Variants in EIF4A2 observed in about 807,000 individuals in gnomAD.
The protein encoded by EIF4A2 is eukaryotic initiation factor 4A-II.
A neutral mutation model predicts 50.6 loss-of-function variants in EIF4A2; 9 were observed. The observed-to-expected ratio is 0.18, with a 90% CI of 0.11 to 0.31. EIF4A2 has a LOEUF of 0.31. Among genes scored for constraint, EIF4A2 ranks in the 10% least tolerant of loss-of-function variants. The pLI is 1.00. For synonymous variants in EIF4A2, 215 were observed against 164.4 expected (o/e 1.31, Z -2.35); for missense variants, 182 against 501.8 (o/e 0.36, Z 6.09).
intron 10 of EIF4A2, 90 bp from the exon 11 acceptor site, chr3:186,789,035 A>G (rs760115750): frequency 1.9e-5 from 29 of 1,490,020 alleles, no homozygotes; most frequent in Non-Finnish European, 2.5e-5. Context: ...TGATAAGTAA[A>G]CAGCAGCTGG....
At chr3:186,787,657 T>C (rs375852365) in intron 9 of EIF4A2, 73 bp downstream of exon 9, 8 of 1,602,092 alleles carry the variant, frequency 5.0e-6, no homozygotes, top group Non-Finnish European at 1.7e-6. Flanking sequence ...AAGTAACCTT[T>C]GCCAACTTGG....
intron 5 of EIF4A2, 34 bp from the exon 6 acceptor site, chr3:186,786,120 ACTGAGTAGAT>A: frequency 1.2e-6 from 2 of 1,605,358 alleles, no homozygotes; most frequent in South Asian, 2.2e-5. Context: ...AAATTGTATC[ACTGAGTAGAT>A]CTAGAAATGA....
At chr3:186,786,338 C>A (rs960224456) in intron 6 of EIF4A2, 65 bp downstream of exon 6, 71 of 1,538,118 alleles carry the variant, frequency 4.6e-5, no homozygotes, top group Non-Finnish European at 5.0e-5. Flanking sequence ...GGTACTGTTA[C>A]AATACAACTG....
chr3:186,786,238 T>C lies in EIF4A2; in HGVS notation c.592T>C (p.Tyr198His). Residue 198 changes from tyrosine to histidine, a missense_variant, in exon 6 of 11, where the codon TAT (tyrosine) becomes CAT (histidine). Tyr to His is a moderately conservative substitution (Grantham distance 83). Coordinates refer to ENST00000323963, the MANE Select transcript of EIF4A2 (RefSeq NM_001967.4). ...GAGCCGTGGTTTTAAGGATCAAATC[T>C]ATGAGATTTTCCAAAAACTAAACAC... ...MLSRGFKDQI[Y>H]EIFQKLNTSI... 6.2e-7 allele frequency: 1 copy of C among 1,613,854 alleles called. No homozygotes were observed. Among genetic ancestry groups the C allele is most frequent in the Non-Finnish European group, 8.5e-7 (1 of 1,179,900 alleles).
chr3:186,788,231 G>C, intron 10 of EIF4A2: 1 of 1,220,230 alleles, frequency 8.2e-7, no homozygotes, highest in Non-Finnish European at 1.1e-6. Context: ...CCCTGGTTTA[G>C]TTATAGTGGC....
At chr3:186,784,740 T>A (rs552816121) in intron 3 of EIF4A2, 44 bp downstream of exon 3, 2 of 1,611,304 alleles carry the variant, frequency 1.2e-6, no homozygotes, top group East Asian at 2.2e-5. Flanking sequence ...TACATAGACA[T>A]GAACCATAAA....
rs746594065 is a variant in EIF4A2, at chr3:186,786,805, CTTTCT to C, written c.771+162_771+166del. 3 of 1,018,210 alleles carry C rather than the reference CTTTCT, an allele frequency of 2.9e-6. No individual in the cohort carries two copies. The South Asian group carries it at 3.8e-5, about 13-fold the overall frequency. The allele number at this position is 1,018,210 out of a possible 1,614,324, so 63.1% of individuals were successfully genotyped here. A position where few individuals can be genotyped will look rare whatever the true frequency, so the allele number is the denominator to read the frequency against. ...AGATTGTAAAGACTGGGGTGGACCT[CTTTCT>C]TAATGTCCAATGTCCTTTGTCTTAA... On this transcript the variant is annotated intron_variant, in intron 7 of 10. Coordinates refer to ENST00000323963, the MANE Select transcript of EIF4A2 (RefSeq NM_001967.4).
chr3:186,788,906 A>G (rs560330217), intron 10 of EIF4A2: 2 of 538,682 alleles, frequency 3.7e-6, no homozygotes, highest in South Asian at 2.8e-5. Flanking sequence ...CCTGATAAAA[A>G]TCTCATTTTG....
chr3:186,788,241 C>G, intron 10 of EIF4A2: 1 of 1,250,336 alleles, frequency 8.0e-7, no homozygotes, highest in South Asian at 1.3e-5. Context: ...GTTATAGTGG[C>G]TTTATCCCTA....
chr3:186,787,904 T>C, intron 10 of EIF4A2, 22 bp downstream of exon 10: 1 of 1,611,226 alleles, frequency 6.2e-7, no homozygotes, highest in South Asian at 1.1e-5. Context: ...GCATCTTGGC[T>C]GTATTGAAAA....
chr3:186,788,525 A>AG (rs777577082), intron 10 of EIF4A2: 3 of 972,172 alleles, frequency 3.1e-6, no homozygotes, highest in Non-Finnish European at 4.0e-6. Context: ...CTTTCTTATT[A>AG]GGTGGTTTGT....
intron 1 of EIF4A2, 40 bp from the exon 2 acceptor site, chr3:186,784,381 CAGTTGAGGTGG>C (rs1255339194): frequency 2.2e-5 from 35 of 1,613,576 alleles, no homozygotes; most frequent in Non-Finnish European, 2.8e-5. Flanking sequence ...GCTTAAGGTG[CAGTTGAGGTGG>C]CCTGGAAGGG....
At chr3:186,788,636 G>A (rs897162132) in intron 10 of EIF4A2, 10 of 245,034 alleles carry the variant, frequency 4.1e-5, no homozygotes, top group Non-Finnish European at 7.0e-5. Flanking sequence ...GCAGTGATAA[G>A]TTTGGGTTAC....
chr3:186,787,936 G>GT, intron 10 of EIF4A2, 54 bp downstream of exon 10: 1 of 1,569,274 alleles, frequency 6.4e-7, no homozygotes, highest in Non-Finnish European at 8.8e-7. Flanking sequence ...TTTTTCTACT[G>GT]TGATTTGTAT....
intron 4 of EIF4A2, 157 bp from the exon 5 acceptor site, chr3:186,785,726 C>G (rs531230394): frequency 1.1e-6 from 1 of 903,982 alleles, no homozygotes; most frequent in African/African-American, 1.7e-5. Flanking sequence ...TTTTACCTTG[C>G]AGCAGTTAGG....
At position 186,787,115 on chromosome 3, in the gene EIF4A2, T is replaced by A. The variant is rs1244716012; in HGVS notation, c.772-12T>A. 5.0e-6 allele frequency: 8 copies of A among 1,612,962 alleles called. No individual in the cohort carries two copies. The highest frequency in any genetic ancestry group is 2.2e-5 in the East Asian group (1 of 44,890). ...CTAAATGACTGTTAACTTTAACTTC[T>A]AAACATTACAGGAATGGAAGTTGGA... On this transcript the variant is annotated splice_polypyrimidine_tract_variant and intron_variant, in intron 7 of 10. Transcript: ENST00000323963.
intron 9 of EIF4A2, 67 bp from the exon 10 acceptor site, chr3:186,787,722 AGTTCGCTACTATTT>A: frequency 6.3e-7 from 1 of 1,592,374 alleles, no homozygotes; most frequent in Non-Finnish European, 8.6e-7. Flanking sequence ...CACTTAGTAT[AGTTCGCTACTATTT>A]TGTGGCCTAC....
intron 7 of EIF4A2, 152 bp from the exon 8 acceptor site, chr3:186,786,975 C>T: frequency 8.3e-7 from 1 of 1,199,616 alleles, no homozygotes; most frequent in Non-Finnish European, 1.2e-6. Flanking sequence ...TTTCTTGAAA[C>T]CCTGGTCTGG....
intron 1 of EIF4A2, 66 bp downstream of exon 1, chr3:186,783,705 G>A: frequency 6.2e-7 from 1 of 1,612,074 alleles, no homozygotes; most frequent in African/African-American, 1.3e-5. Flanking sequence ...AGATGATAGT[G>A]GATGGCACGG....
Sources: gnomAD v4.1 joint callset for allele counts on GRCh38, gnomAD v4.1.1 for gene constraint, MANE v1.5 for transcripts, NCBI Gene and HGNC (gene_info 2026-07-23, HGNC 2026-07-21) for gene names.